Variants in RPL6 observed in about 807,000 individuals in gnomAD.
RPL6 encodes the protein large ribosomal subunit protein eL6.
A neutral mutation model predicts 32.1 loss-of-function variants in RPL6; 1 was observed. The ratio of observed to expected loss-of-function variants is 0.03; its 90% confidence interval spans 0.01 to 0.15. The LOEUF is 0.15. Ranked by LOEUF, RPL6 falls within the 10% of genes least tolerant of loss-of-function variation. The probability of loss-of-function intolerance (pLI) is 1.00; values close to 1 mark genes in which losing one functional copy is unlikely to be tolerated. For missense variants in RPL6, 275 were observed against 354.6 expected (o/e 0.78, Z 1.80); for synonymous variants, 126 against 131.6 (o/e 0.96, Z 0.29).
intron 1 of RPL6, among the ~76,000 whole-genome samples, chr12:112,415,386 T>C (rs1286138498): frequency 1.3e-5 from 2 of 152,022 alleles, no homozygotes; most frequent in Non-Finnish European, 2.9e-5. Flanking sequence ...CTGGGCAACA[T>C]AGCAAGACCT....
chr12:112,415,331 G>A (rs1236092229), upstream of RPL6, among the ~76,000 whole-genome samples: 2 of 152,218 alleles, frequency 1.3e-5, no homozygotes, highest in African/African-American at 4.8e-5. Flanking sequence ...GGCCTTGGGA[G>A]GTCAAAGTGG....
chr12:112,410,662 C>T (rs1359530492), upstream of RPL6, among the ~76,000 whole-genome samples: 1 of 142,110 alleles, frequency 7.0e-6, no homozygotes, highest in Non-Finnish European at 1.5e-5. Flanking sequence ...CAACCTCTGC[C>T]TCCTGGGTTC....
chr12:112,409,637 A>C, upstream of RPL6: 1 of 396,860 alleles, frequency 2.5e-6, no homozygotes, highest in Non-Finnish European at 4.4e-6. Context: ...TCTATAAGCA[A>C]TCATGGGAAG....
At chr12:112,413,124 T>C (rs2037360363), upstream of RPL6, among the ~76,000 whole-genome samples, 2 of 152,180 alleles carry the variant, frequency 1.3e-5, no homozygotes, top group Non-Finnish European at 2.9e-5. Context: ...AGAAAATTAC[T>C]GTTTGTTATT....
intron 1 of RPL6, among the ~76,000 whole-genome samples, chr12:112,418,026 C>T (rs1173310642): frequency 6.6e-6 from 1 of 151,846 alleles, no homozygotes; most frequent in African/African-American, 2.4e-5. Flanking sequence ...TATTGCCAGG[C>T]TGGAGTGCAG....
intron 3 of RPL6, 27 bp from the exon 4 acceptor site, chr12:112,406,917 A>G: frequency 1.2e-6 from 2 of 1,612,162 alleles, no homozygotes; most frequent in Non-Finnish European, 1.7e-6. Flanking sequence ...GATCCAACTT[A>G]TTTAAATAAG....
chr12:112,405,804 C>T, intron 6 of RPL6, 49 bp downstream of exon 6: 1 of 1,460,812 alleles, frequency 6.8e-7, no homozygotes, highest in South Asian at 1.3e-5. Flanking sequence ...TTTTCACTCC[C>T]AGGTAGAAGG....
At chr12:112,408,068 A>G in intron 3 of RPL6, 172 bp downstream of exon 3, 1 of 608,644 alleles carries the variant, frequency 1.6e-6, no homozygotes, top group Non-Finnish European at 2.9e-6. Flanking sequence ...GAGTAATTTA[A>G]ATTACTTAAG....
In RPL6 at chr12:112,405,859, T is replaced by C. The variant is rs2037145582; in HGVS notation, c.708A>G (p.Glu236=). The C allele has an allele frequency of 1.2e-6, 2 of 1,610,998 alleles. No individual in the cohort carries two copies. Among genetic ancestry groups the C allele is most frequent in the South Asian group, 2.2e-5 (2 of 90,784 alleles). The change falls in exon 6 of 7, where the codon GAA becomes GAG. Residue 236 remains glutamate, a synonymous_variant. Coordinates refer to ENST00000202773, the MANE Select transcript of RPL6 (RefSeq NM_000970.6). ...ATGACAAGTAGAAACTTACCTCTTT[T>C]TCTGTGTCGAAGATCTCACCTTCCT... ...RHQEGEIFDT[E]KEKYEITEQR...
At chr12:112,416,140 T>A (rs1439016608) in intron 1 of RPL6, among the ~76,000 whole-genome samples, 2 of 131,492 alleles carry the variant, frequency 1.5e-5, no homozygotes, top group African/African-American at 6.0e-5. Flanking sequence ...TGTATTTTTT[T>A]TTTTTTTTTT....
intron 4 of RPL6, 100 bp from the exon 5 acceptor site, chr12:112,406,442 A>C: frequency 9.3e-7 from 1 of 1,074,424 alleles, no homozygotes; most frequent in South Asian, 1.3e-5. Flanking sequence ...GGAAATTTCT[A>C]CATGTATATG....
At chr12:112,415,933 T>C (rs994628593) in intron 1 of RPL6, among the ~76,000 whole-genome samples, 1 of 145,802 alleles carries the variant, frequency 6.9e-6, no homozygotes, top group Non-Finnish European at 1.5e-5. Context: ...GTGAATTCAA[T>C]GTAGGGAGTG....
chr12:112,407,150 A>C (rs1177460119), intron 3 of RPL6: 1 of 370,866 alleles, frequency 2.7e-6, no homozygotes, highest in South Asian at 4.0e-5. Flanking sequence ...TCACCTTTGC[A>C]ATCTTGAGCA....
intron 4 of RPL6, 68 bp downstream of exon 4, chr12:112,406,679 T>A: frequency 5.7e-6 from 9 of 1,589,728 alleles, no homozygotes; most frequent in Non-Finnish European, 6.9e-6. Context: ...ACACCTAGCG[T>A]GCAAACGCAT....
chr12:112,412,974 A>G (rs985541656), upstream of RPL6, among the ~76,000 whole-genome samples: 1 of 151,860 alleles, frequency 6.6e-6, no homozygotes, highest in Admixed American at 6.6e-5. Flanking sequence ...AAATATCTTT[A>G]TATGTGTTAT....
upstream of RPL6, chr12:112,411,308 C>T (rs1409909235): frequency 6.6e-6 from 1 of 152,210 alleles, no homozygotes; most frequent in African/African-American, 2.4e-5. Context: ...TACCTTCTAG[C>T]TTGCGTTTTC....
At chr12:112,405,629 T>C in intron 6 of RPL6, 2 of 608,078 alleles carry the variant, frequency 3.3e-6, no homozygotes, top group Non-Finnish European at 5.7e-6. Context: ...AATACGATGG[T>C]AGCAGTTAAT....
chr12:112,415,515 C>A (rs754476814), intron 1 of RPL6, among the ~76,000 whole-genome samples: 4 of 152,000 alleles, frequency 2.6e-5, no homozygotes, highest in Non-Finnish European at 5.9e-5. Flanking sequence ...GAGTTGGAGA[C>A]CAGCCTGGCC....
upstream of RPL6, among the ~76,000 whole-genome samples, chr12:112,410,912 A>G (rs1028351699): frequency 1.3e-5 from 2 of 152,096 alleles, no homozygotes; most frequent in African/African-American, 4.8e-5. Flanking sequence ...TCACCACTAC[A>G]ATCATCTGAT....
Sources: allele counts gnomAD v4.1 joint callset (sites outside exome capture counted in the v4.1 genomes callset), GRCh38; gene constraint gnomAD v4.1.1; transcripts MANE v1.5; gene names NCBI Gene and HGNC (gene_info 2026-07-23, HGNC 2026-07-21).